GPHN: variants seen among roughly 807,000 people sequenced by gnomAD.
GPHN encodes gephyrin.
A neutral mutation model predicts 95.5 loss-of-function variants in GPHN; 17 were observed. The observed-to-expected ratio is 0.18, with a 90% CI of 0.12 to 0.27. The LOEUF (loss-of-function observed/expected upper bound fraction) is 0.27. GPHN is among the 10% of genes least tolerant of loss of function. The probability of loss-of-function intolerance (pLI) is 1.00; values close to 1 mark genes in which losing one functional copy is unlikely to be tolerated. For synonymous variants in GPHN, 320 were observed against 322.5 expected (o/e 0.99, Z 0.08); for missense variants, 660 against 978.1 (o/e 0.67, Z 4.34).
At chr14:67,524,057 C>G in the GPHN span, among the ~76,000 whole-genome samples, 1 of 152,166 alleles carries the variant, frequency 6.6e-6, no homozygotes, top group Non-Finnish European at 1.5e-5. Context: ...ACTGGCCGCT[C>G]AGAGACCCAC....
chr14:67,112,111 G>A (rs2078411479), intron 15 of GPHN, among the ~76,000 whole-genome samples, 192 bp downstream of exon 15: 1 of 152,104 alleles, frequency 6.6e-6, no homozygotes, highest in African/African-American at 2.4e-5. Flanking sequence ...AATGAAGATG[G>A]TAAAGGCGAG....
chr14:67,360,049 C>T, the GPHN span: 34 of 445,264 alleles, frequency 7.6e-5, no homozygotes, highest in Non-Finnish European at 1.2e-4. Context: ...GCGTGCACGC[C>T]TTGTCTTTCT....
At chr14:66,810,320 G>C (rs1031177939) in intron 3 of GPHN, among the ~76,000 whole-genome samples, 87 of 150,946 alleles carry the variant, frequency 5.8e-4, no homozygotes, top group African/African-American at 2.1e-3. Flanking sequence ...TTCTCCATAG[G>C]GCTAAATATT....
chr14:67,674,492 C>T, the GPHN span: 37 of 1,597,810 alleles, frequency 2.3e-5, no homozygotes, highest in Non-Finnish European at 2.9e-5. Context: ...GAGGCCATGG[C>T]GCAGGCCGCG....
chr14:66,981,816 G>T (rs1300578195), intron 9 of GPHN, among the ~76,000 whole-genome samples: 2 of 152,258 alleles, frequency 1.3e-5, no homozygotes, highest in East Asian at 3.9e-4. Context: ...TATTCCATAG[G>T]TAAGAGACTA....
At chr14:67,393,369 G>C in the GPHN span, 3 of 731,658 alleles carry the variant, frequency 4.1e-6, no homozygotes, top group African/African-American at 3.5e-5. Flanking sequence ...CAAAGAAAAG[G>C]GGTGTAGGAA....
chr14:66,972,357 G>C (rs1474394310), intron 9 of GPHN, among the ~76,000 whole-genome samples: 5 of 150,712 alleles, frequency 3.3e-5, no homozygotes, highest in Non-Finnish European at 7.4e-5. Context: ...TTCTTAAATT[G>C]ACAGACTTTG....
At chr14:67,085,910 T>C (rs935348082) in intron 11 of GPHN, among the ~76,000 whole-genome samples, 2 of 152,182 alleles carry the variant, frequency 1.3e-5, no homozygotes, top group African/African-American at 2.4e-5. Context: ...CTACTTTCTA[T>C]CTCTGTGATT....
chr14:66,924,261 T>C lies in GPHN; in HGVS notation c.797T>C (p.Ile266Thr), dbSNP rs1185937598. Residue 266 changes from isoleucine (I) to threonine (T), a missense_variant, in exon 8 of 23, where the codon ATC becomes ACC. Ile to Thr is a moderately conservative substitution (Grantham distance 89). This residue lies in a region of GPHN where 190 missense variants were observed against 224.7 expected (regional missense o/e 0.85). Coordinates refer to ENST00000478722, the MANE Select transcript of GPHN (RefSeq NM_020806.5). ...GGTGAACAGCCCATCCCTGGTCTCA[T>C]CAATTATTCCCATCATTCAACAGAT... ...AHGEQPIPGL[I>T]NYSHHSTDER... The C allele has an allele frequency of 6.2e-7, 1 of 1,609,776 alleles. No homozygotes were observed. Among genetic ancestry groups the C allele is most frequent in the Non-Finnish European group, 8.5e-7 (1 of 1,176,008 alleles).
At chr14:66,734,126 C>G (rs1595727951) in intron 2 of GPHN, among the ~76,000 whole-genome samples, 1 of 152,130 alleles carries the variant, frequency 6.6e-6, no homozygotes, top group East Asian at 1.9e-4. Flanking sequence ...AATCCATTCT[C>G]TATATAGCAG....
chr14:67,435,027 T>TGAGC, the GPHN span, among the ~76,000 whole-genome samples: 1 of 149,722 alleles, frequency 6.7e-6, no homozygotes, highest in Non-Finnish European at 1.5e-5. Context: ...AGTGCAATAG[T>TGAGC]GCCATTTCGG....
At position 66,922,861 on chromosome 14, in the gene GPHN, G is replaced by A; in HGVS notation, c.652G>A (p.Glu218Lys). ...AGTTCAATGTGAGGAAGAGGAAGAA[G>A]AGAAGAAAGACAGTGGTGTTGCTTC... ...KGVQCEEEEE[E>K]KKDSGVASTE... The change falls in exon 7 of 23, where the codon GAG (glutamate) becomes AAG (lysine). Residue 218 changes from glutamate (E) to lysine (K), a missense_variant. Transcript: ENST00000478722. 1.2e-6 allele frequency: 2 copies of A among 1,613,290 alleles called. No individual in the cohort carries two copies. The highest frequency in any genetic ancestry group is 1.7e-6 in the Non-Finnish European group (2 of 1,179,504).
At chr14:67,303,022 A>G in the GPHN span, among the ~76,000 whole-genome samples, 5 of 152,366 alleles carry the variant, frequency 3.3e-5, no homozygotes, top group Admixed American at 2.0e-4. Flanking sequence ...CTAGCTGCAT[A>G]TAGCTATTTC....
the GPHN span, chr14:67,572,259 C>CGGGCTG: frequency 1.9e-6 from 3 of 1,602,700 alleles, no homozygotes; most frequent in Non-Finnish European, 2.6e-6. Flanking sequence ...ACTCCACCGA[C>CGGGCTG]GGGCTGGGCC....
chr14:66,508,378 C>G lies in GPHN; in HGVS notation c.-150C>G, dbSNP rs1038477518. On this transcript the variant is annotated 5_prime_UTR_variant, in exon 1 of 23. Coordinates refer to ENST00000478722, the MANE Select transcript of GPHN (RefSeq NM_020806.5). ...TCTCCCCCACGCAGGCCACCGTGCA[C>G]TCTGTGGCCTCCCCCTCCTTCCCCG... The G allele has an allele frequency of 5.2e-6, 4 of 767,916 alleles. No individual in the cohort carries two copies. The highest frequency in any genetic ancestry group is 9.3e-6 in the Non-Finnish European group (4 of 431,970). 47.6% of individuals were successfully genotyped at this position (767,916 alleles called of 1,614,324 possible).
At chr14:67,725,308 G>A in the GPHN span, 1 of 1,576,154 alleles carries the variant, frequency 6.3e-7, no homozygotes, top group Non-Finnish European at 8.7e-7. Context: ...GGGAGTGGCT[G>A]CTCCACCCTA....
intron 17 of GPHN, among the ~76,000 whole-genome samples, chr14:67,127,203 T>G (rs947286538): frequency 6.6e-6 from 1 of 151,514 alleles, no homozygotes; most frequent in Non-Finnish European, 1.5e-5. Context: ...TGTATACATA[T>G]GTAACTAACC....
the GPHN span, among the ~76,000 whole-genome samples, chr14:67,187,267 G>A: frequency 6.6e-6 from 1 of 152,090 alleles, no homozygotes. Flanking sequence ...CTAACCAAGG[G>A]TTCCTGCAAA....
intron 9 of GPHN, among the ~76,000 whole-genome samples, chr14:67,022,935 T>G (rs1055659815): frequency 3.9e-5 from 6 of 152,012 alleles, no homozygotes; most frequent in Non-Finnish European, 5.9e-5. Context: ...CACATTGACT[T>G]AAACATTTGA....
Sources: gnomAD v4.1 joint callset for allele counts (sites outside exome capture counted in the v4.1 genomes callset) on GRCh38, gnomAD v4.1.1 for gene constraint, gnomAD v4.1.1 regional missense constraint, MANE v1.5 for transcripts, NCBI Gene and HGNC (gene_info 2026-07-23, HGNC 2026-07-21) for gene names.